Variants in NOL10 observed in about 807,000 individuals in gnomAD.
The protein encoded by NOL10 is H_NH0074G24.1.
NOL10 carries 58 observed loss-of-function variants against 103.5 expected under a neutral mutation model. That is an observed-to-expected ratio of 0.56 (90% CI 0.45 to 0.70). The LOEUF is 0.70. Ranked by LOEUF, NOL10 falls within the 30% of genes least tolerant of loss-of-function variation. The probability of loss-of-function intolerance (pLI) is 0.00; values close to 1 mark genes in which losing one functional copy is unlikely to be tolerated. For missense variants in NOL10, 763 were observed against 807.3 expected (o/e 0.95, Z 0.67); for synonymous variants, 287 against 282.5 (o/e 1.02, Z -0.16).
At chr2:10,591,401 G>A (rs1228115626) in intron 17 of NOL10, among the ~76,000 whole-genome samples, 1 of 152,136 alleles carries the variant, frequency 6.6e-6, no homozygotes, top group Admixed American at 6.5e-5. Context: ...CAGGGAGGGG[G>A]CTTGAAAGAT....
chr2:10,577,242 C>T (rs1412451113), intron 20 of NOL10, among the ~76,000 whole-genome samples: 3 of 152,182 alleles, frequency 2.0e-5, no homozygotes, highest in East Asian at 1.9e-4. Context: ...CATATACATG[C>T]GAGGTAGCCC....
rs565143622 is a variant in NOL10 at position 10,646,118 on chromosome 2, C to T, written c.974-1746G>A. 3.9e-5 allele frequency among the ~76,000 whole-genome samples: 6 copies of T among 152,286 alleles called. No homozygotes were observed. The South Asian group carries it at 6.2e-4, about 16-fold the overall frequency. ...GCACTTTTTCTGGCCTTCCAAACAA[C>T]GTTCACCGAGGTCATGATGGACAGA... On this transcript the variant is annotated intron_variant, in intron 12 of 20. Transcript: ENST00000381685.
In NOL10 at chr2:10,644,342, T is replaced by G; in HGVS notation, c.1004A>C (p.Lys335Thr). 6.5e-7 allele frequency: 1 copy of G among 1,540,780 alleles called. No homozygotes were observed. The highest frequency in any genetic ancestry group is 2.1e-5 in the Admixed American group (1 of 48,082). The part of the protein sequence containing the change: ...GMLLTANETP[K>T]MGIYYIPVLG... ...TACTGGAATGTAATAGATGCCCATC[T>G]TGGGGGTTTCATTGGCCGTCAGAAG... Residue 335 changes from lysine (K) to threonine (T), a missense_variant, in exon 13 of 21, where the codon AAG becomes ACG. By Grantham distance (78) the Lys-to-Thr change is moderately conservative (BLOSUM62 -1). Transcript: ENST00000381685.
intron 9 of NOL10, 62 bp downstream of exon 9, chr2:10,662,897 T>A (rs938430174): frequency 5.9e-6 from 7 of 1,193,690 alleles, no homozygotes; most frequent in Admixed American, 1.9e-5. Flanking sequence ...GAATTTAATA[T>A]AGACACATTA....
chr2:10,635,181 T>C (rs913284277), intron 13 of NOL10, among the ~76,000 whole-genome samples: 9 of 152,256 alleles, frequency 5.9e-5, no homozygotes, highest in African/African-American at 2.2e-4. Flanking sequence ...ATATTTTTAA[T>C]AATTTTTGGC....
At chr2:10,575,213 G>A (rs1674393044) in intron 20 of NOL10, among the ~76,000 whole-genome samples, 1 of 152,218 alleles carries the variant, frequency 6.6e-6, no homozygotes, top group African/African-American at 2.4e-5. Context: ...TTAGATTTGT[G>A]ACTGAATCCC....
At chr2:10,682,376 G>A (rs1458672590) in intron 2 of NOL10, among the ~76,000 whole-genome samples, 1 of 151,550 alleles carries the variant, frequency 6.6e-6, no homozygotes. Context: ...TGTTACAGGA[G>A]GAAGAGCATA....
chr2:10,641,407 A>C (rs1207267171), intron 13 of NOL10, among the ~76,000 whole-genome samples: 2 of 152,116 alleles, frequency 1.3e-5, no homozygotes, highest in Non-Finnish European at 2.9e-5. Context: ...AATATAACTA[A>C]AAAACAATAC....
chr2:10,601,074 T>G, intron 16 of NOL10, 132 bp from the exon 17 acceptor site: 1 of 561,812 alleles, frequency 1.8e-6, no homozygotes, highest in Non-Finnish European at 3.0e-6. Context: ...TTTTATTATT[T>G]TTTTTTTGAG....
intron 13 of NOL10, among the ~76,000 whole-genome samples, chr2:10,632,340 G>A (rs780156260): frequency 1.3e-5 from 2 of 152,236 alleles, no homozygotes; most frequent in Non-Finnish European, 2.9e-5. Context: ...TATGGTCTCT[G>A]TCACAGCTAC....
intron 13 of NOL10, among the ~76,000 whole-genome samples, chr2:10,641,383 C>A (rs1678688093): frequency 6.6e-6 from 1 of 151,390 alleles, no homozygotes; most frequent in Non-Finnish European, 1.5e-5. Flanking sequence ...CAACTTCCCA[C>A]ACATAACATC....
At chr2:10,683,364 T>A (rs1681916428) in intron 2 of NOL10, among the ~76,000 whole-genome samples, 1 of 152,210 alleles carries the variant, frequency 6.6e-6, no homozygotes, top group African/African-American at 2.4e-5. Context: ...CAATCACCTT[T>A]AACTGTTCAG....
chr2:10,671,471 C>A (rs1572418874), intron 6 of NOL10, 83 bp downstream of exon 6: 17 of 1,028,352 alleles, frequency 1.7e-5, no homozygotes, highest in South Asian at 6.1e-5. Context: ...GTTACCTAAA[C>A]AGAGAAAATG....
intron 13 of NOL10, among the ~76,000 whole-genome samples, chr2:10,638,029 C>G (rs922853312): frequency 2.6e-5 from 4 of 152,066 alleles, no homozygotes; most frequent in Admixed American, 2.6e-4. Context: ...CACCTGTAAT[C>G]CCAACACTTT....
At chr2:10,687,627 T>C (rs899008610) in intron 1 of NOL10, among the ~76,000 whole-genome samples, 3 of 152,208 alleles carry the variant, frequency 2.0e-5, no homozygotes, top group East Asian at 1.9e-4. Flanking sequence ...ACATCTCCAT[T>C]TGGTATGTAT....
intron 13 of NOL10, among the ~76,000 whole-genome samples, chr2:10,607,669 AAAGC>A (rs1393665922): frequency 2.0e-5 from 3 of 151,868 alleles, no homozygotes; most frequent in Non-Finnish European, 4.4e-5. Flanking sequence ...GAATTCTACA[AAAGC>A]ATTATTTGGT....
intron 10 of NOL10, 53 bp from the exon 11 acceptor site, chr2:10,657,944 A>T: frequency 7.4e-7 from 1 of 1,356,606 alleles, no homozygotes; most frequent in African/African-American, 1.5e-5. Flanking sequence ...TCTTCAAAGG[A>T]AATATTTCTA....
At chr2:10,627,461 G>A (rs1371996278) in intron 13 of NOL10, among the ~76,000 whole-genome samples, 1 of 151,990 alleles carries the variant, frequency 6.6e-6, no homozygotes, top group Non-Finnish European at 1.5e-5. Context: ...AGATCACGAG[G>A]TCAGGAGATC....
chr2:10,648,072 C>G (rs1294396020), intron 12 of NOL10, among the ~76,000 whole-genome samples: 1 of 152,188 alleles, frequency 6.6e-6, no homozygotes, highest in Non-Finnish European at 1.5e-5. Context: ...GCTGTCTCTT[C>G]AAGTGCCCTG....
Sources: allele counts gnomAD v4.1 joint callset (sites outside exome capture counted in the v4.1 genomes callset), GRCh38; gene constraint gnomAD v4.1.1; transcripts MANE v1.5; gene names NCBI Gene and HGNC (gene_info 2026-07-23, HGNC 2026-07-21).